ULK4: variants seen among roughly 807,000 people sequenced by gnomAD.
The protein encoded by ULK4 is unc-51 like kinase 4.
Under a neutral mutation model 160.6 loss-of-function variants are expected in ULK4, and 133 were observed. The ratio of observed to expected loss-of-function variants is 0.83; its 90% CI spans 0.72 to 0.96. The LOEUF (loss-of-function observed/expected upper bound fraction) is 0.96, where lower values mean the gene tolerates loss of function less well. Among genes scored for constraint, ULK4 ranks in the 40% least tolerant of loss-of-function variants. The pLI, the probability that ULK4 is intolerant of heterozygous loss-of-function variation, is 0.00. For synonymous variants in ULK4, 534 were observed against 539.8 expected (o/e 0.99, Z 0.15); for missense variants, 1,580 against 1,499.5 (o/e 1.05, Z -0.89).
chr3:41,280,056 CAAAG>C (rs1478595987), intron 35 of ULK4, among the ~76,000 whole-genome samples: 1 of 152,116 alleles, frequency 6.6e-6, no homozygotes, highest in Non-Finnish European at 1.5e-5. Flanking sequence ...TCAAAAGAAA[CAAAG>C]AAGGCCATTA....
chr3:41,265,781 GA>G, intron 35 of ULK4, among the ~76,000 whole-genome samples: 1 of 152,304 alleles, frequency 6.6e-6, no homozygotes, highest in African/African-American at 2.4e-5. Context: ...AAGCCTTTGA[GA>G]GTCTGGCTCC....
chr3:41,951,077 G>A (rs556676295), intron 2 of ULK4, among the ~76,000 whole-genome samples: 61 of 147,898 alleles, frequency 4.1e-4, no homozygotes, highest in African/African-American at 8.5e-4. Context: ...CCCGGGAGGC[G>A]GAGCTTACAG....
At chr3:41,552,755 A>G (rs547504047) in intron 32 of ULK4, among the ~76,000 whole-genome samples, 1 of 152,100 alleles carries the variant, frequency 6.6e-6, no homozygotes, top group South Asian at 2.1e-4. Context: ...CCTTAAATTC[A>G]TATGGAACCC....
At chr3:41,784,933 C>G (rs1002281602) in intron 21 of ULK4, among the ~76,000 whole-genome samples, 1 of 152,178 alleles carries the variant, frequency 6.6e-6, no homozygotes, top group South Asian at 2.1e-4. Context: ...ATGAAGTATA[C>G]TGATAATTAA....
At position 41,586,129 on chromosome 3, in the gene ULK4, T is replaced by C. The variant is rs1389022472; in HGVS notation, c.3121-19999A>G. Among the ~76,000 whole-genome samples, 7 of 152,210 alleles carry C rather than the reference T, an allele frequency of 4.6e-5. No homozygotes were observed. The East Asian group carries it at 1.2e-3, about 25-fold the overall frequency. ...TTTAAAGTAAAGTTTTCATTTGATC[T>C]AGCAATCACACTTCTGGGTATATAT... On this transcript the variant is annotated intron_variant, in intron 31 of 36. Coordinates refer to ENST00000301831, the MANE Select transcript of ULK4 (RefSeq NM_017886.4).
chr3:41,523,202 C>CA (rs2085995494), intron 32 of ULK4, among the ~76,000 whole-genome samples: 1 of 152,182 alleles, frequency 6.6e-6, no homozygotes, highest in Non-Finnish European at 1.5e-5. Flanking sequence ...AGCCACTGTG[C>CA]CCAGCCCCAG....
intron 34 of ULK4, among the ~76,000 whole-genome samples, chr3:41,431,355 A>AAT (rs2082901742): frequency 7.2e-6 from 1 of 139,124 alleles, no homozygotes; most frequent in Non-Finnish European, 1.5e-5. Context: ...ACACACACAC[A>AAT]AATAATAATA....
chr3:41,468,330 G>C (rs1233568017), intron 32 of ULK4, among the ~76,000 whole-genome samples: 1 of 152,160 alleles, frequency 6.6e-6, no homozygotes. Context: ...CAAAGACTGA[G>C]GGTCGAGTAA....
intron 30 of ULK4, among the ~76,000 whole-genome samples, chr3:41,662,927 A>AT (rs2035228817): frequency 6.6e-6 from 1 of 152,082 alleles, no homozygotes; most frequent in Non-Finnish European, 1.5e-5. Flanking sequence ...AAATAAAAAA[A>AT]AAAAGTATGT....
intron 29 of ULK4, among the ~76,000 whole-genome samples, chr3:41,666,318 T>C (rs1415572415): frequency 6.6e-6 from 1 of 152,208 alleles, no homozygotes; most frequent in Admixed American, 6.5e-5. Flanking sequence ...TCTCATGTAT[T>C]CGAAGGCACT....
chr3:41,401,934 T>C (rs1368605643), intron 34 of ULK4, among the ~76,000 whole-genome samples: 2 of 152,160 alleles, frequency 1.3e-5, no homozygotes, highest in East Asian at 3.8e-4. Context: ...GAACTTCTCC[T>C]TTAGCACACT....
intron 18 of ULK4, among the ~76,000 whole-genome samples, chr3:41,822,818 T>G (rs914357120): frequency 9.6e-5 from 14 of 146,244 alleles, no homozygotes; most frequent in African/African-American, 3.1e-4. Flanking sequence ...GCCTCCCAGG[T>G]TCACGCCATT....
At chr3:41,323,066 T>A (rs2080273701) in intron 35 of ULK4, among the ~76,000 whole-genome samples, 1 of 151,884 alleles carries the variant, frequency 6.6e-6, no homozygotes, top group Non-Finnish European at 1.5e-5. Context: ...GCCTCTTGAG[T>A]AGCTGGGATT....
chr3:41,298,722 AAG>A (rs1194266824), intron 35 of ULK4, among the ~76,000 whole-genome samples: 4 of 152,312 alleles, frequency 2.6e-5, no homozygotes, highest in African/African-American at 9.6e-5. Context: ...AGTCAAACAG[AAG>A]AGATATTCAA....
At chr3:41,535,371 G>C (rs773585105) in intron 32 of ULK4, among the ~76,000 whole-genome samples, 9 of 152,180 alleles carry the variant, frequency 5.9e-5, no homozygotes, top group Non-Finnish European at 1.3e-4. Flanking sequence ...CTCTTGGTGT[G>C]GGCTGAGGAT....
chr3:41,265,323 G>A (rs1198033649), intron 35 of ULK4, among the ~76,000 whole-genome samples: 2 of 152,240 alleles, frequency 1.3e-5, no homozygotes, highest in East Asian at 1.9e-4. Context: ...TCGGGCCCTT[G>A]CTGAGCATGA....
chr3:41,564,310 G>A (rs527358094), intron 32 of ULK4, among the ~76,000 whole-genome samples: 61 of 152,184 alleles, frequency 4.0e-4, no homozygotes, highest in African/African-American at 1.5e-3. Context: ...CTTCTGGGAG[G>A]TGTCTGCCAG....
chr3:41,404,226 A>AT (rs60508995), intron 34 of ULK4, among the ~76,000 whole-genome samples: 22,936 of 131,356 alleles, frequency 0.17, 2,360 homozygotes, highest in East Asian at 0.37. Context: ...TAGCTCTATC[A>AT]TTTTTTTTTT....
chr3:41,695,161 A>C (rs779192421), intron 27 of ULK4, among the ~76,000 whole-genome samples: 2 of 152,222 alleles, frequency 1.3e-5, no homozygotes, highest in Non-Finnish European at 2.9e-5. Context: ...AATTCCATTC[A>C]TGAGAGGGGA....
Sources: allele counts gnomAD v4.1 joint callset (sites outside exome capture counted in the v4.1 genomes callset), GRCh38; gene constraint gnomAD v4.1.1; transcripts MANE v1.5; gene names NCBI Gene and HGNC (gene_info 2026-07-23, HGNC 2026-07-21).